The following FRAS1 variants were observed in gnomAD, a reference collection of about 807,000 sequenced individuals.
The protein encoded by FRAS1 is Fraser extracellular matrix complex subunit 1, also known as extracellular matrix organizing protein FRAS1.
In FRAS1, 290 loss-of-function variants were observed where a neutral mutation model predicts 435.2. The ratio of observed to expected loss-of-function variants is 0.67; its 90% CI spans 0.61 to 0.73. The LOEUF is 0.73. Ranked by LOEUF, FRAS1 falls within the 30% of genes least tolerant of loss-of-function variation. The probability of loss-of-function intolerance (pLI) is 0.00; values close to 1 mark genes in which losing one functional copy is unlikely to be tolerated. For missense variants in FRAS1, 4,860 were observed against 5,001.5 expected (o/e 0.97, Z 0.85); for synonymous variants, 1,800 against 1,851.0 (o/e 0.97, Z 0.71).
intron 2 of FRAS1, among the ~76,000 whole-genome samples, chr4:78,114,833 C>T (rs1743033301): frequency 6.6e-6 from 1 of 152,210 alleles, no homozygotes; most frequent in South Asian, 2.1e-4. Context: ...CCTTCTCCTG[C>T]CTGATTGCCC....
chr4:78,308,089 T>C lies in FRAS1; in HGVS notation c.1558T>C (p.Cys520Arg). ...AGTCTGCCATGAGTCCTGTGCAGGT[T>C]GCTGGGGCCCAACGGAGAAGCACTG... ...CAVCHESCAG[C>R]WGPTEKHCLA... Residue 520 changes from cysteine to arginine, a missense_variant, in exon 15 of 74, where the codon TGC (cysteine) becomes CGC (arginine). Coordinates refer to ENST00000512123, the MANE Select transcript of FRAS1 (RefSeq NM_025074.7). 1 of 1,613,494 alleles carries C rather than the reference T, an allele frequency of 6.2e-7. No homozygotes were observed. The highest frequency in any genetic ancestry group is 8.5e-7 in the Non-Finnish European group (1 of 1,179,524).
At chr4:78,184,476 G>T (rs1336044660) in intron 2 of FRAS1, among the ~76,000 whole-genome samples, 1 of 152,190 alleles carries the variant, frequency 6.6e-6, no homozygotes, top group African/African-American at 2.4e-5. Context: ...GGCAAGACAA[G>T]TATAGGCAGT....
At chr4:78,470,862 A>G (rs1719682580) in intron 51 of FRAS1, among the ~76,000 whole-genome samples, 1 of 152,072 alleles carries the variant, frequency 6.6e-6, no homozygotes, top group South Asian at 2.1e-4. Context: ...ACTCCATATT[A>G]AGCAAGTGAT....
At chr4:78,501,327 T>C (rs1488910057) in intron 61 of FRAS1, among the ~76,000 whole-genome samples, 1 of 152,220 alleles carries the variant, frequency 6.6e-6, no homozygotes, top group Non-Finnish European at 1.5e-5. Flanking sequence ...TAGCATTCCA[T>C]GGTATATATG....
chr4:78,510,309 G>A (rs28494791), intron 63 of FRAS1, among the ~76,000 whole-genome samples: 11 of 151,766 alleles, frequency 7.2e-5, no homozygotes, highest in African/African-American at 1.7e-4. Flanking sequence ...CCTGGTTTCC[G>A]TCACTTTATC....
At chr4:78,144,153 TA>T (rs1346321054) in intron 2 of FRAS1, among the ~76,000 whole-genome samples, 2 of 147,884 alleles carry the variant, frequency 1.4e-5, no homozygotes, top group Non-Finnish European at 3.0e-5. Context: ...TACATATAAA[TA>T]AAAAATAAAG....
intron 44 of FRAS1, among the ~76,000 whole-genome samples, chr4:78,449,060 C>T (rs1453251911): frequency 1.3e-5 from 2 of 152,186 alleles, no homozygotes; most frequent in Non-Finnish European, 2.9e-5. Flanking sequence ...TGAGATTTGA[C>T]TTTATCCTAC....
chr4:78,252,352 G>C (rs1290638709), intron 4 of FRAS1, 40 bp from the exon 5 acceptor site: 3 of 1,572,888 alleles, frequency 1.9e-6, no homozygotes, highest in Admixed American at 3.5e-5. Context: ...CCTGTGTTTT[G>C]GCACTAACCT....
At chr4:78,347,936 A>T (rs147393513) in intron 20 of FRAS1, among the ~76,000 whole-genome samples, 219 of 152,112 alleles carry the variant, frequency 1.4e-3, no homozygotes, top group African/African-American at 5.0e-3. Flanking sequence ...TCTTTTGTGG[A>T]GCTAAACTGA....
chr4:78,316,726 A>G (rs1729271394), intron 16 of FRAS1, among the ~76,000 whole-genome samples: 1 of 152,234 alleles, frequency 6.6e-6, no homozygotes, highest in African/African-American at 2.4e-5. Context: ...GGTCAGAGTC[A>G]TTACTGTAAT....
chr4:78,432,645 A>G (rs1734262704), intron 38 of FRAS1, 41 bp downstream of exon 38: 7 of 1,521,166 alleles, frequency 4.6e-6, no homozygotes, highest in Non-Finnish European at 6.2e-6. Context: ...CCACCGCCGC[A>G]TCTTCTGATG....
intron 2 of FRAS1, chr4:78,068,574 G>C (rs1205375885): frequency 2.2e-6 from 1 of 456,124 alleles, no homozygotes; most frequent in Non-Finnish European, 4.4e-6. Context: ...AGCCATTGGA[G>C]GTGCCAGAGA....
At chr4:78,537,521 T>A (rs1165145326) in intron 72 of FRAS1, among the ~76,000 whole-genome samples, 1 of 152,240 alleles carries the variant, frequency 6.6e-6, no homozygotes, top group Non-Finnish European at 1.5e-5. Flanking sequence ...AATAATATGA[T>A]GATGACTCTT....
In FRAS1 at chr4:78,438,657, G is replaced by A; in HGVS notation, c.5305G>A (p.Val1769Met). ...TCTCTTAAGAATCTCAGGATCTGAG[G>A]TGGAAGAGCTCTCAGAAGTTTCCAA... ...GTLLRISGSE[V>M]EELSEVSNFT... The change falls in exon 39 of 74, where the codon GTG becomes ATG. Residue 1769 changes from valine to methionine, a missense_variant. By Grantham distance (21) the Val-to-Met change is conservative (BLOSUM62 1). Coordinates refer to ENST00000512123, the MANE Select transcript of FRAS1 (RefSeq NM_025074.7). 1 of 1,612,900 alleles carries A rather than the reference G, an allele frequency of 6.2e-7. No individual in the cohort carries two copies. The highest frequency in any genetic ancestry group is 8.5e-7 in the Non-Finnish European group (1 of 1,179,152).
intron 54 of FRAS1, among the ~76,000 whole-genome samples, chr4:78,477,193 C>T (rs10001798): frequency 0.21 from 32,029 of 152,026 alleles, 4,279 homozygotes; most frequent in East Asian, 0.48. Flanking sequence ...TTATTCAGTA[C>T]ACTGGAATTC....
intron 2 of FRAS1, among the ~76,000 whole-genome samples, chr4:78,212,311 G>T (rs1490698329): frequency 6.6e-6 from 1 of 152,114 alleles, no homozygotes. Flanking sequence ...TGCATTTTGT[G>T]CATCGTCTTC....
chr4:78,267,023 G>C (rs1366213992), intron 8 of FRAS1, 88 bp downstream of exon 8: 3 of 1,011,402 alleles, frequency 3.0e-6, no homozygotes, highest in Non-Finnish European at 4.4e-6. Flanking sequence ...TCCTTTGGGG[G>C]AATCAAAAGT....
At chr4:78,180,943 G>C (rs1441572159) in intron 2 of FRAS1, 2 of 1,610,142 alleles carry the variant, frequency 1.2e-6, no homozygotes, top group South Asian at 1.1e-5. Flanking sequence ...CTGCTGCCAC[G>C]GTTTGGGCGC....
rs184275106 is a variant in FRAS1 at position 78,528,900 on chromosome 4, G to C, written c.10925+2243G>C. ...CCATTCCCACCATGAGAGTGCACGC[G>C]CTCCCTTTCCCGTGCATTCTGCTAA... is the stretch of plus-strand genomic sequence containing the variant. On this transcript the variant is annotated intron_variant, in intron 70 of 73. Coordinates refer to ENST00000512123, the MANE Select transcript of FRAS1 (RefSeq NM_025074.7). Among the ~76,000 whole-genome samples, 131 of 152,246 alleles carry C rather than the reference G, an allele frequency of 8.6e-4. 1 individual carries two copies. In the Middle Eastern group the frequency reaches 0.024, roughly 28 times the overall value.
Sources: gnomAD v4.1 joint callset for allele counts (sites outside exome capture counted in the v4.1 genomes callset) on GRCh38, gnomAD v4.1.1 for gene constraint, MANE v1.5 for transcripts, NCBI Gene and HGNC (gene_info 2026-07-23, HGNC 2026-07-21) for gene names.